VAV3: variants seen among roughly 807,000 people sequenced by gnomAD.
VAV3 encodes the protein vav guanine nucleotide exchange factor 3.
Under a neutral mutation model 131.2 loss-of-function variants are expected in VAV3, and 94 were observed. That is an observed-to-expected ratio of 0.72 (90% CI 0.61 to 0.85). The LOEUF (loss-of-function observed/expected upper bound fraction) is 0.85, where lower values mean the gene tolerates loss of function less well. Ranked by LOEUF, VAV3 falls within the 40% of genes least tolerant of loss-of-function variation. The pLI, the probability that VAV3 is intolerant of heterozygous loss-of-function variation, is 0.00. For missense variants in VAV3, 939 were observed against 1,002.7 expected (o/e 0.94, Z 0.86); for synonymous variants, 349 against 342.0 (o/e 1.02, Z -0.22).
At chr1:107,681,940 G>A (rs554274674) in intron 19 of VAV3, among the ~76,000 whole-genome samples, 3 of 152,130 alleles carry the variant, frequency 2.0e-5, no homozygotes, top group East Asian at 1.9e-4. Context: ...GATTACAGGC[G>A]TGAGCCACTG....
intron 17 of VAV3, among the ~76,000 whole-genome samples, chr1:107,693,795 A>C (rs373838570): frequency 3.9e-5 from 6 of 152,296 alleles, no homozygotes; most frequent in African/African-American, 1.4e-4. Context: ...ACAGCAAAGG[A>C]GCATATAATC....
chr1:107,595,224 A>G (rs1651277555), intron 25 of VAV3, among the ~76,000 whole-genome samples: 1 of 152,158 alleles, frequency 6.6e-6, no homozygotes, highest in South Asian at 2.1e-4. Context: ...GAAAACATAT[A>G]TTAAGTTACT....
intron 2 of VAV3, among the ~76,000 whole-genome samples, chr1:107,821,713 C>A (rs750732735): frequency 6.6e-6 from 1 of 152,138 alleles, no homozygotes; most frequent in Non-Finnish European, 1.5e-5. Context: ...GTGAGATGAA[C>A]TGTTAGAGGA....
chr1:107,948,425 G>C (rs1674373554), intron 1 of VAV3, among the ~76,000 whole-genome samples: 1 of 152,208 alleles, frequency 6.6e-6, no homozygotes, highest in African/African-American at 2.4e-5. Flanking sequence ...GGCAAACCAA[G>C]TGACCTTGGT....
At chr1:107,633,153 C>G (rs1654631349) in intron 20 of VAV3, among the ~76,000 whole-genome samples, 1 of 151,918 alleles carries the variant, frequency 6.6e-6, no homozygotes, top group Non-Finnish European at 1.5e-5. Context: ...AAAGCACCAT[C>G]TAAACCTGTG....
At chr1:107,911,398 G>C (rs189665256) in intron 1 of VAV3, among the ~76,000 whole-genome samples, 69 of 152,258 alleles carry the variant, frequency 4.5e-4, no homozygotes, top group African/African-American at 1.5e-3. Context: ...CAAAATGATA[G>C]TAGGTCACCC....
At chr1:107,728,708 T>G (rs549674495) in intron 15 of VAV3, among the ~76,000 whole-genome samples, 1 of 151,974 alleles carries the variant, frequency 6.6e-6, no homozygotes, top group East Asian at 1.9e-4. Context: ...TAACACACAC[T>G]ACTTATAAAC....
At chr1:107,761,581 C>T (rs1166359401) in intron 9 of VAV3, among the ~76,000 whole-genome samples, 1 of 152,124 alleles carries the variant, frequency 6.6e-6, no homozygotes, top group African/African-American at 2.4e-5. Context: ...TTCCCACCCT[C>T]AACTATGGTT....
At chr1:107,871,080 T>C (rs1276769558) in intron 2 of VAV3, among the ~76,000 whole-genome samples, 3 of 152,168 alleles carry the variant, frequency 2.0e-5, no homozygotes, top group Middle Eastern at 3.2e-3. Context: ...TTGAAACAGT[T>C]ATGGAAAATT....
intron 19 of VAV3, among the ~76,000 whole-genome samples, chr1:107,659,377 C>T (rs928004646): frequency 1.3e-5 from 2 of 152,062 alleles, no homozygotes; most frequent in African/African-American, 4.8e-5. Flanking sequence ...ATTCACCTTA[C>T]TAAATATATT....
intron 16 of VAV3, among the ~76,000 whole-genome samples, 155 bp from the exon 17 acceptor site, chr1:107,704,805 T>C (rs112518616): frequency 3.3e-5 from 5 of 152,152 alleles, no homozygotes; most frequent in African/African-American, 1.2e-4. Context: ...GAAAGGACTG[T>C]CCAGGCAGAA....
At chr1:107,698,039 TG>T (rs1393794737) in intron 17 of VAV3, among the ~76,000 whole-genome samples, 4 of 152,222 alleles carry the variant, frequency 2.6e-5, no homozygotes, top group African/African-American at 9.6e-5. Flanking sequence ...ATTTGAATCT[TG>T]GTTGTATTGA....
At chr1:107,944,066 G>A (rs1251897408) in intron 1 of VAV3, among the ~76,000 whole-genome samples, 1 of 152,226 alleles carries the variant, frequency 6.6e-6, no homozygotes, top group African/African-American at 2.4e-5. Context: ...AAGCTTCACA[G>A]TCTCCCAAGG....
intron 1 of VAV3, among the ~76,000 whole-genome samples, chr1:107,953,685 G>A (rs539638065): frequency 6.6e-6 from 1 of 152,176 alleles, no homozygotes; most frequent in Non-Finnish European, 1.5e-5. Context: ...CAGGTCTCCT[G>A]ACTCCTGACC....
chr1:107,715,261 T>C (rs190357544), intron 15 of VAV3, among the ~76,000 whole-genome samples: 2 of 152,278 alleles, frequency 1.3e-5, no homozygotes, highest in African/African-American at 4.8e-5. Flanking sequence ...AGAACATATA[T>C]GTGTGCATTT....
chr1:107,704,403 C>T (rs1009622445), intron 17 of VAV3, 147 bp downstream of exon 17: 23 of 590,764 alleles, frequency 3.9e-5, no homozygotes, highest in Middle Eastern at 6.5e-4. Context: ...AAATTTTAAG[C>T]ATTTTTCTAA....
At chr1:107,604,841 A>G (rs888358614) in intron 22 of VAV3, among the ~76,000 whole-genome samples, 4 of 152,226 alleles carry the variant, frequency 2.6e-5, no homozygotes, top group African/African-American at 9.6e-5. Context: ...CCATCAGACC[A>G]GCATTCTACT....
At chr1:107,846,006 C>G (rs553736665) in intron 2 of VAV3, among the ~76,000 whole-genome samples, 43 of 152,100 alleles carry the variant, frequency 2.8e-4, no homozygotes, top group Middle Eastern at 6.8e-3. Context: ...TATCAGATCC[C>G]CAAGGCAGAA....
intron 15 of VAV3, among the ~76,000 whole-genome samples, chr1:107,725,151 G>T (rs1008468969): frequency 6.6e-6 from 1 of 152,178 alleles, no homozygotes; most frequent in African/African-American, 2.4e-5. Context: ...TGTCGGTTTA[G>T]AGAGGTCACT....
Sources: allele counts gnomAD v4.1 joint callset (sites outside exome capture counted in the v4.1 genomes callset), GRCh38; gene constraint gnomAD v4.1.1; transcripts MANE v1.5; gene names NCBI Gene and HGNC (gene_info 2026-07-23, HGNC 2026-07-21).